Variants in PLXNA4 observed in about 807,000 individuals in gnomAD.
PLXNA4 encodes plexin A4.
In PLXNA4, 44 loss-of-function variants were observed where a neutral mutation model predicts 191.8. The observed-to-expected ratio is 0.23, with a 90% confidence interval of 0.18 to 0.29. The LOEUF (loss-of-function observed/expected upper bound fraction) is 0.29, where lower values mean the gene tolerates loss of function less well. PLXNA4 is among the 10% of genes least tolerant of loss of function. The pLI is 1.00. For missense variants in PLXNA4, 1,800 were observed against 2,488.8 expected (o/e 0.72, Z 5.89); for synonymous variants, 1,082 against 1,009.5 (o/e 1.07, Z -1.36).
intron 12 of PLXNA4, among the ~76,000 whole-genome samples, chr7:132,200,341 G>A (rs963823399): frequency 1.3e-4 from 20 of 152,156 alleles, no homozygotes; most frequent in African/African-American, 2.4e-5. Flanking sequence ...GGGAGGAGCC[G>A]TTCCACAGAG....
intron 3 of PLXNA4, among the ~76,000 whole-genome samples, chr7:132,389,577 T>C (rs891965656): frequency 6.6e-6 from 1 of 152,218 alleles, no homozygotes; most frequent in African/African-American, 2.4e-5. Flanking sequence ...CAGATGGTTG[T>C]AGATGTGTGG....
intron 25 of PLXNA4, among the ~76,000 whole-genome samples, chr7:132,151,635 GAGAGGAAGA>G (rs769042103): frequency 6.1e-4 from 92 of 151,132 alleles, no homozygotes; most frequent in Middle Eastern, 3.4e-3. Context: ...GGAGAGGAAG[GAGAGGAAGA>G]AGAGGAAGAA....
At chr7:132,634,698 A>G (rs968008588) in intron 2 of PLXNA4, among the ~76,000 whole-genome samples, 2 of 152,150 alleles carry the variant, frequency 1.3e-5, no homozygotes, top group African/African-American at 4.8e-5. Flanking sequence ...CAGCTTCTCA[A>G]GGAGCCCATC....
At chr7:132,151,412 GAGGAGGAGGAGGAGGAGGA>G (rs1795618442) in intron 25 of PLXNA4, among the ~76,000 whole-genome samples, 3 of 5,266 alleles carry the variant, frequency 5.7e-4, no homozygotes, top group Non-Finnish European at 1.1e-3. Flanking sequence ...GAGGAGGAAG[GAGGAGGAGGAGGAGGAGGA>G]AGGAGGAGGA....
At chr7:132,560,428 C>T (rs1800989413) in intron 1 of PLXNA4, among the ~76,000 whole-genome samples, 1 of 152,150 alleles carries the variant, frequency 6.6e-6, no homozygotes, top group Admixed American at 6.5e-5. Context: ...TATGTTTACG[C>T]CGAAACATGA....
chr7:132,262,577 C>A (rs1034338639), intron 4 of PLXNA4, among the ~76,000 whole-genome samples: 2 of 152,118 alleles, frequency 1.3e-5, no homozygotes, highest in Admixed American at 6.5e-5. Flanking sequence ...CCTCTCCCAG[C>A]CCACTTACTA....
chr7:132,365,360 T>TGTGTGTGTGC lies in PLXNA4; in HGVS notation c.1372-67139_1372-67138insGCACACACAC. Among the ~76,000 whole-genome samples the TGTGTGTGTGC allele has an allele frequency of 8.1e-3, 1,044 of 128,794 alleles. 20 individuals are homozygous for TGTGTGTGTGC. Among genetic ancestry groups the TGTGTGTGTGC allele is most frequent in the African/African-American group, 0.029 (987 of 33,798 alleles). 84.5% of individuals were successfully genotyped at this position (128,794 alleles called of 152,430 possible). ...GTGTGTGTGTGTGTGTGTGTGTGTG[T>TGTGTGTGTGC]GCGTGCGCGCGCATGCATGGGGCAA... On this transcript the variant is annotated intron_variant, in intron 3 of 31. Transcript: ENST00000321063.
intron 4 of PLXNA4, among the ~76,000 whole-genome samples, chr7:132,288,958 T>C (rs750075428): frequency 1.4e-4 from 21 of 152,148 alleles, no homozygotes; most frequent in Non-Finnish European, 2.5e-4. Flanking sequence ...GAAATGGTAA[T>C]GACTCCTTCA....
Position 132,607,499 on chromosome 7 carries a change from T to C in PLXNA4, c.-87+38429A>G, listed in dbSNP as rs566166924. Among the ~76,000 whole-genome samples the C allele has an allele frequency of 2.6e-5, 4 of 152,326 alleles. No homozygotes were observed. In the South Asian group the frequency reaches 6.2e-4, roughly 24 times the overall value. ...AAAACTTTATAGATTGAGAGATGGA[T>C]AGTTCTGAAACGTAATAACAAGGCT... is the stretch of plus-strand genomic sequence containing the variant. On this transcript the variant is annotated intron_variant, in intron 2 of 4. Transcript: ENST00000378539.
At chr7:132,542,410 A>T (rs1294356690) in intron 1 of PLXNA4, among the ~76,000 whole-genome samples, 1 of 152,174 alleles carries the variant, frequency 6.6e-6, no homozygotes, top group Non-Finnish European at 1.5e-5. Flanking sequence ...AAAATTAAAG[A>T]CTTGCTCAGG....
intron 4 of PLXNA4, among the ~76,000 whole-genome samples, chr7:132,294,137 C>T (rs1344255714): frequency 2.0e-5 from 3 of 152,022 alleles, no homozygotes; most frequent in Non-Finnish European, 4.4e-5. Context: ...AAAAATAGAG[C>T]CAGGAGAGGA....
At position 132,298,071 on chromosome 7, in the gene PLXNA4, C is replaced by A. The variant is rs376402313; in HGVS notation, c.1503+20G>T. On this transcript the variant is annotated intron_variant, in intron 4 of 31. Coordinates refer to ENST00000321063, the MANE Select transcript of PLXNA4 (RefSeq NM_020911.2). ...ATTTAACTGCAAGACAAATGTCTAG[C>A]GGAGCCCGAAGAGCCTTACCTGCCT... The A allele has an allele frequency of 2.4e-5, 39 of 1,613,902 alleles. No individual in the cohort carries two copies. The highest frequency in any genetic ancestry group is 4.0e-5 in the African/African-American group (3 of 74,920).
At chr7:132,380,619 C>T (rs1249677763) in intron 3 of PLXNA4, among the ~76,000 whole-genome samples, 2 of 152,186 alleles carry the variant, frequency 1.3e-5, no homozygotes, top group South Asian at 4.2e-4. Context: ...CAGTCCTCCA[C>T]AGAGAGGCAG....
chr7:132,378,381 C>T lies in PLXNA4; in HGVS notation c.1372-80159G>A, dbSNP rs148768951. Among the ~76,000 whole-genome samples, 685 of 152,290 alleles carry T rather than the reference C, an allele frequency of 4.5e-3. 7 individuals carry two copies. Among genetic ancestry groups the T allele is most frequent in the African/African-American group, 0.016 (650 of 41,552 alleles). On this transcript the variant is annotated intron_variant, in intron 3 of 31. Transcript: ENST00000321063. Reference sequence around the variant, plus strand: ...GGCACATGGCTGGCACATGGTATGTCCTGGGTGATTATTTCTTGAGTCATT... The same window carrying T: ...GGCACATGGCTGGCACATGGTATGTTCTGGGTGATTATTTCTTGAGTCATT...
chr7:132,604,866 C>G lies in PLXNA4; in HGVS notation c.-87+41062G>C, dbSNP rs146262735. 3.3e-3 allele frequency among the ~76,000 whole-genome samples: 503 copies of G among 152,316 alleles called. 1 individual carries two copies. Among genetic ancestry groups the G allele is most frequent in the African/African-American group, 0.012 (484 of 41,566 alleles). Reference sequence around the variant, plus strand: ...GATATGACTCCGCTTGCACCGGACTCTGACCCTAGCCACAGCCTCTCCCTG... The same window carrying G: ...GATATGACTCCGCTTGCACCGGACTGTGACCCTAGCCACAGCCTCTCCCTG... On this transcript the variant is annotated intron_variant, in intron 2 of 4. Transcript: ENST00000378539.
intron 3 of PLXNA4, among the ~76,000 whole-genome samples, chr7:132,314,558 G>A (rs1339922382): frequency 6.6e-6 from 1 of 152,206 alleles, no homozygotes; most frequent in African/African-American, 2.4e-5. Context: ...GTAGGGAAGG[G>A]AGGAAGAGGA....
At chr7:132,626,139 C>T (rs1278505360) in intron 2 of PLXNA4, among the ~76,000 whole-genome samples, 1 of 152,188 alleles carries the variant, frequency 6.6e-6, no homozygotes, top group Non-Finnish European at 1.5e-5. Context: ...TCACTCACCA[C>T]CACCAATCAA....
At chr7:132,646,046 G>A (rs1340266120) in intron 1 of PLXNA4, 3 of 152,696 alleles carry the variant, frequency 2.0e-5, no homozygotes, top group African/African-American at 7.2e-5. Flanking sequence ...GGCACTTGCT[G>A]TGGAGGTACA....
At chr7:132,442,069 G>A (rs973444227) in intron 3 of PLXNA4, among the ~76,000 whole-genome samples, 6 of 152,158 alleles carry the variant, frequency 3.9e-5, no homozygotes, top group African/African-American at 1.2e-4. Flanking sequence ...GGAGAACCAC[G>A]TGCTCACCCT....
Sources: gnomAD v4.1 joint callset for allele counts (sites outside exome capture counted in the v4.1 genomes callset) on GRCh38, gnomAD v4.1.1 for gene constraint, MANE v1.5 for transcripts, NCBI Gene and HGNC (gene_info 2026-07-23, HGNC 2026-07-21) for gene names.